The following SEMA4D variants were observed in gnomAD, a reference collection of about 807,000 sequenced individuals.
The protein encoded by SEMA4D is semaphorin 4D.
SEMA4D carries 22 observed loss-of-function variants against 74.8 expected under a neutral mutation model. That is an observed-to-expected ratio of 0.29 (90% CI 0.21 to 0.42). The LOEUF is 0.42. Among genes scored for constraint, SEMA4D ranks in the 10% least tolerant of loss-of-function variants. SEMA4D has a pLI of 1.00. For synonymous variants in SEMA4D, 445 were observed against 463.7 expected (o/e 0.96, Z 0.52); for missense variants, 937 against 1,118.4 (o/e 0.84, Z 2.31).
At position 89,492,346 on chromosome 9, in the gene SEMA4D, C is replaced by T. The variant is rs914366464; in HGVS notation, c.-310+5573G>A. Among the ~76,000 whole-genome samples, 1 of 152,128 alleles carries T rather than the reference C, an allele frequency of 6.6e-6. No individual in the cohort carries two copies. Among genetic ancestry groups the T allele is most frequent in the Non-Finnish European group, 1.5e-5 (1 of 68,026 alleles). ...GGCCGCACCTTCTTGGTTTCTTGTT[C>T]CAGGCTCAGTCCTCGGACCTCTTCT... On this transcript the variant is annotated intron_variant, in intron 1 of 15. Transcript: ENST00000422704. This position sits in a 1 kb window ranked among gnomAD's most constrained non-coding sequence, Gnocchi z 4.3.
chr9:89,470,669 G>A (rs1351129164), intron 1 of SEMA4D, among the ~76,000 whole-genome samples: 1 of 151,666 alleles, frequency 6.6e-6, no homozygotes, highest in African/African-American at 2.4e-5. Flanking sequence ...ATACACAAAT[G>A]TTTACAGCAG....
At position 89,393,427 on chromosome 9, in the gene SEMA4D, G is replaced by A. The variant is rs1564602939; in HGVS notation, c.508+135C>T. The A allele has an allele frequency of 5.8e-6, 4 of 692,848 alleles. No individual in the cohort carries two copies. In the South Asian group the frequency reaches 7.2e-5, roughly 12 times the overall value. The allele number at this position is 692,848 out of a possible 1,614,324, so 42.9% of individuals were successfully genotyped here. A position where few individuals can be genotyped will look rare whatever the true frequency, so the allele number is the denominator to read the frequency against. On this transcript the variant is annotated intron_variant, in intron 7 of 15. Transcript: ENST00000422704. ...TTAAAGGGTCTATGCAGTCACATGT[G>A]CCTTTTGTAAGGATAGCTCCTATTT...
At chr9:89,464,226 TG>T (rs1327401070) in intron 1 of SEMA4D, among the ~76,000 whole-genome samples, 1 of 152,190 alleles carries the variant, frequency 6.6e-6, no homozygotes, top group Admixed American at 6.5e-5. Flanking sequence ...GTTCTAATCA[TG>T]TTGAAGATGT....
chr9:89,373,521 G>A (rs557775773), downstream of SEMA4D, among the ~76,000 whole-genome samples: 1 of 152,260 alleles, frequency 6.6e-6, no homozygotes, highest in Admixed American at 6.5e-5. Flanking sequence ...AAGACACAGG[G>A]TCACCCAGCA....
At chr9:89,467,583 G>A (rs1259441740) in intron 1 of SEMA4D, among the ~76,000 whole-genome samples, 1 of 150,212 alleles carries the variant, frequency 6.7e-6, no homozygotes, top group African/African-American at 2.5e-5. Flanking sequence ...CCAGGCTGGA[G>A]TGCAGTGGTA....
At position 89,377,882 on chromosome 9, in the gene SEMA4D, G is replaced by A. The variant is rs982281412; in HGVS notation, c.*822C>T. The A allele has an allele frequency of 6.8e-6, 1 of 147,366 alleles. No individual in the cohort carries two copies. Among genetic ancestry groups the A allele is most frequent in the Non-Finnish European group, 1.5e-5 (1 of 67,528 alleles). The allele number at this position is 147,366 out of a possible 1,614,324, so 9.1% of individuals were successfully genotyped here. A position where few individuals can be genotyped will look rare whatever the true frequency, so the allele number is the denominator to read the frequency against. On this transcript the variant is annotated 3_prime_UTR_variant, in exon 16 of 16. Transcript: ENST00000422704. ...TGTGGGAAGGTCCTCTTCTTCGAGA[G>A]AGTAAAAGTTAAAAAAAAAGAAAAG... is the stretch of plus-strand genomic sequence containing the variant.
At chr9:89,375,369 G>C (rs980156766), downstream of SEMA4D, among the ~76,000 whole-genome samples, 2 of 152,176 alleles carry the variant, frequency 1.3e-5, no homozygotes, top group Non-Finnish European at 2.9e-5. Context: ...TGGAGGGCAG[G>C]AACCACACAA....
At chr9:89,400,448 T>G (rs1455215379) in intron 4 of SEMA4D, among the ~76,000 whole-genome samples, 1 of 152,208 alleles carries the variant, frequency 6.6e-6, no homozygotes, top group Non-Finnish European at 1.5e-5. Context: ...GTGTCAGGAC[T>G]CAGAGGTTAG....
intron 2 of SEMA4D, among the ~76,000 whole-genome samples, chr9:89,455,042 G>A (rs76452831): frequency 0.071 from 10,858 of 152,350 alleles, 485 homozygotes; most frequent in African/African-American, 0.12. Context: ...CAGTTGGGAG[G>A]GGGTGGGGAC....
At chr9:89,416,563 G>A (rs1232668602) in intron 2 of SEMA4D, among the ~76,000 whole-genome samples, 1 of 152,008 alleles carries the variant, frequency 6.6e-6, no homozygotes, top group Non-Finnish European at 1.5e-5. Flanking sequence ...ACAAACACCA[G>A]GCACAGACTC....
chr9:89,489,868 A>C lies in SEMA4D; in HGVS notation c.-310+8051T>G, dbSNP rs185767579. On this transcript the variant is annotated intron_variant, in intron 1 of 15. Coordinates refer to ENST00000422704, the MANE Select transcript of SEMA4D (RefSeq NM_001371194.2). ...CAATTCTTTTAGGTATATACGTAGG[A>C]GTGGGAGTGCTAGGTCATATGGTAA... Among the ~76,000 whole-genome samples, 65 of 152,292 alleles carry C rather than the reference A, an allele frequency of 4.3e-4. 1 individual carries two copies. In the Middle Eastern group the frequency reaches 0.02, roughly 48 times the overall value.
rs760373489 is a variant in SEMA4D at position 89,396,822 on chromosome 9, T to C, written c.329A>G (p.Asn110Ser). 3 of 1,613,644 alleles carry C rather than the reference T, an allele frequency of 1.9e-6. No individual in the cohort carries two copies. Among genetic ancestry groups the C allele is most frequent in the South Asian group, 1.1e-5 (1 of 90,958 alleles). ...GAGTGGCTGCAGCACCCGGATGTAG[T>C]TGAGGCACTCTGTCTGCAGGGAAGA... ...KGKSKQTECL[N>S]YIRVLQPLSA... The change falls in exon 6 of 16, where the codon AAC (asparagine) becomes AGC (serine). Residue 110 changes from asparagine (N) to serine (S), a missense_variant. Transcript: ENST00000422704.
At chr9:89,363,468 C>G in exon 18 of SEMA4D, 4 of 1,613,996 alleles carry the variant, frequency 2.5e-6, no homozygotes, top group Non-Finnish European at 3.4e-6. Context: ...CGGTCGTGCT[C>G]CCCAGCCACA....
intron 1 of SEMA4D, among the ~76,000 whole-genome samples, chr9:89,493,244 G>A (rs1436333406): frequency 6.6e-6 from 1 of 152,202 alleles, no homozygotes; most frequent in African/African-American, 2.4e-5. Flanking sequence ...TCAGAAGGAG[G>A]GGGCTATACA....
rs1324728124 is a variant in SEMA4D at position 89,363,291 on chromosome 9, A to T, written c.2190+139T>A. 21 of 1,300,282 alleles carry T rather than the reference A, an allele frequency of 1.6e-5. No individual in the cohort carries two copies. In the South Asian group the frequency reaches 3.1e-4, roughly 19 times the overall value. 80.5% of individuals were successfully genotyped at this position (1,300,282 alleles called of 1,614,324 possible). A position where few individuals can be genotyped will look rare whatever the true frequency, so the allele number is the denominator to read the frequency against. ...TTCCCCCCCCAGTGTTGCAGATTTC[A>T]TAAAGGAAACTGCTCCGGGGCTAAG... is the stretch of plus-strand genomic sequence containing the variant. On this transcript the variant is annotated intron_variant, in intron 18 of 18. Transcript: ENST00000339861.
chr9:89,389,246 G>A (rs1035356735), intron 9 of SEMA4D, among the ~76,000 whole-genome samples, 199 bp from the exon 10 acceptor site: 14 of 152,178 alleles, frequency 9.2e-5, no homozygotes, highest in Admixed American at 7.9e-4. Flanking sequence ...TTGGATCCCA[G>A]AACGCTCCTG....
At chr9:89,419,560 C>T (rs990597016) in intron 2 of SEMA4D, among the ~76,000 whole-genome samples, 3 of 152,168 alleles carry the variant, frequency 2.0e-5, no homozygotes, top group Middle Eastern at 3.2e-3. Context: ...GCAACAAAGG[C>T]AGAGATTCAT....
At chr9:89,447,762 A>C (rs1853314882) in intron 2 of SEMA4D, among the ~76,000 whole-genome samples, 2 of 129,818 alleles carry the variant, frequency 1.5e-5, no homozygotes, top group East Asian at 2.3e-4. Context: ...ACCCTTCCTG[A>C]CTCTGCCTCA....
At chr9:89,491,147 A>G (rs1825594976) in intron 1 of SEMA4D, among the ~76,000 whole-genome samples, 1 of 152,220 alleles carries the variant, frequency 6.6e-6, no homozygotes. Flanking sequence ...CCACGTGGAA[A>G]GCACCCCAAG....
Sources: gnomAD v4.1 joint callset for allele counts (sites outside exome capture counted in the v4.1 genomes callset) on GRCh38, gnomAD v4.1.1 for gene constraint, Gnocchi (gnomAD v3.1) non-coding constraint, MANE v1.5 for transcripts, NCBI Gene and HGNC (gene_info 2026-07-23, HGNC 2026-07-21) for gene names.